The following CACNA2D1 variants were observed in gnomAD, a reference collection of about 807,000 sequenced individuals.
The protein encoded by CACNA2D1 is calcium voltage-gated channel auxiliary subunit alpha2delta 1.
In CACNA2D1, 53 loss-of-function variants were observed where a neutral mutation model predicts 171.5. The ratio of observed to expected loss-of-function variants is 0.31; its 90% CI spans 0.25 to 0.39. The LOEUF (loss-of-function observed/expected upper bound fraction) is 0.39. Among genes scored for constraint, CACNA2D1 ranks in the 10% least tolerant of loss-of-function variants. The pLI is 1.00. For missense variants in CACNA2D1, 903 were observed against 1,299.8 expected (o/e 0.69, Z 4.69); for synonymous variants, 442 against 443.1 (o/e 1.00, Z 0.03).
intron 38 of CACNA2D1, among the ~76,000 whole-genome samples, chr7:81,958,825 A>C (rs1793745187): frequency 6.6e-6 from 1 of 152,040 alleles, no homozygotes; most frequent in East Asian, 1.9e-4. Context: ...TGTAATAATA[A>C]GACAATGGCT....
intron 3 of CACNA2D1, among the ~76,000 whole-genome samples, chr7:82,224,923 T>C (rs1036922817): frequency 1.3e-4 from 19 of 151,382 alleles, no homozygotes; most frequent in African/African-American, 4.9e-5. Flanking sequence ...GTTTATCCAA[T>C]TGACCAAAAA....
intron 12 of CACNA2D1, among the ~76,000 whole-genome samples, chr7:82,022,926 A>T (rs1801415828): frequency 1.3e-5 from 2 of 151,822 alleles, no homozygotes; most frequent in African/African-American, 4.8e-5. Context: ...TTATTTTGAA[A>T]TTTTTATTAA....
chr7:82,410,441 C>G, intron 1 of CACNA2D1: 1 of 838,896 alleles, frequency 1.2e-6, no homozygotes, highest in Non-Finnish European at 1.4e-6. Context: ...ATCTTTCATT[C>G]TGATTGGCTT....
intron 1 of CACNA2D1, 57 bp from the exon 2 acceptor site, chr7:82,349,706 T>C (rs1242020347): frequency 4.6e-6 from 6 of 1,306,178 alleles, no homozygotes; most frequent in East Asian, 4.6e-5. Flanking sequence ...AAAAGTCACA[T>C]GCTGATATTT....
intron 1 of CACNA2D1, among the ~76,000 whole-genome samples, chr7:82,394,674 C>T (rs1825587847): frequency 6.6e-6 from 1 of 152,006 alleles, no homozygotes; most frequent in Admixed American, 6.6e-5. Flanking sequence ...GTGTGTTTTC[C>T]CAGAATCTTG....
At chr7:82,149,332 G>A (rs1330686058) in intron 4 of CACNA2D1, among the ~76,000 whole-genome samples, 1 of 152,098 alleles carries the variant, frequency 6.6e-6, no homozygotes, top group African/African-American at 2.4e-5. Flanking sequence ...TAGACACTGA[G>A]ACTAGGATTT....
chr7:82,004,468 A>G (rs1798923625), intron 18 of CACNA2D1, among the ~76,000 whole-genome samples: 1 of 151,428 alleles, frequency 6.6e-6, no homozygotes, highest in Non-Finnish European at 1.5e-5. Context: ...ATATATAATT[A>G]ATATATTACA....
At chr7:82,026,610 C>T (rs571850407) in intron 12 of CACNA2D1, among the ~76,000 whole-genome samples, 2 of 151,694 alleles carry the variant, frequency 1.3e-5, no homozygotes, top group African/African-American at 4.8e-5. Flanking sequence ...GTACTGCATG[C>T]ACAACTTTAG....
chr7:82,348,411 G>A (rs927446763), intron 2 of CACNA2D1, among the ~76,000 whole-genome samples: 3 of 152,066 alleles, frequency 2.0e-5, no homozygotes, highest in Non-Finnish European at 4.4e-5. Context: ...TCTCTGAGGA[G>A]AGGAATACTG....
intron 4 of CACNA2D1, among the ~76,000 whole-genome samples, chr7:82,168,349 G>T (rs1192952516): frequency 6.6e-6 from 1 of 152,060 alleles, no homozygotes; most frequent in Non-Finnish European, 1.5e-5. Context: ...TCTCCATGTT[G>T]ACAAGGCTGG....
At chr7:82,406,561 G>C (rs1004812528) in intron 1 of CACNA2D1, among the ~76,000 whole-genome samples, 2 of 152,206 alleles carry the variant, frequency 1.3e-5, no homozygotes, top group Non-Finnish European at 1.5e-5. Context: ...CCTGTTGTTT[G>C]CTGACTTTTT....
intron 25 of CACNA2D1, among the ~76,000 whole-genome samples, chr7:81,972,126 G>A (rs1000244599): frequency 6.6e-6 from 1 of 151,500 alleles, no homozygotes; most frequent in Non-Finnish European, 1.5e-5. Context: ...TAAGAAATAA[G>A]CTATGTTAAG....
At chr7:82,294,621 C>G (rs1191422005) in intron 3 of CACNA2D1, among the ~76,000 whole-genome samples, 1 of 151,978 alleles carries the variant, frequency 6.6e-6, no homozygotes, top group Non-Finnish European at 1.5e-5. Context: ...TGTCATGAGT[C>G]ATGAAATCTA....
chr7:82,034,200 C>T (rs1401635231), intron 11 of CACNA2D1, among the ~76,000 whole-genome samples: 4 of 152,136 alleles, frequency 2.6e-5, no homozygotes, highest in Non-Finnish European at 5.9e-5. Flanking sequence ...GCTCACTAGC[C>T]ACCTGTGATT....
intron 5 of CACNA2D1, among the ~76,000 whole-genome samples, chr7:82,128,838 CCTGA>C (rs1306267800): frequency 4.6e-5 from 7 of 151,982 alleles, no homozygotes; most frequent in Non-Finnish European, 1.0e-4. Flanking sequence ...CCCACGTTCC[CCTGA>C]ATGCTGGTGT....
At chr7:82,066,898 T>G (rs1279487830) in intron 7 of CACNA2D1, among the ~76,000 whole-genome samples, 1 of 152,114 alleles carries the variant, frequency 6.6e-6, no homozygotes, top group Non-Finnish European at 1.5e-5. Context: ...CTCCTTATAT[T>G]TTCGTTCAAT....
At chr7:82,287,414 C>G (rs1425551931) in intron 3 of CACNA2D1, among the ~76,000 whole-genome samples, 1 of 152,074 alleles carries the variant, frequency 6.6e-6, no homozygotes, top group Non-Finnish European at 1.5e-5. Flanking sequence ...GGAGAAATAA[C>G]CACATTGAAT....
At chr7:82,274,771 C>A (rs928041314) in intron 3 of CACNA2D1, among the ~76,000 whole-genome samples, 2 of 152,066 alleles carry the variant, frequency 1.3e-5, no homozygotes, top group African/African-American at 4.8e-5. Flanking sequence ...GGAGGCAATT[C>A]TTTTTTGTTG....
At chr7:81,994,769 TAAGTA>T (rs948934755) in intron 20 of CACNA2D1, 94 bp downstream of exon 20, 14 of 678,354 alleles carry the variant, frequency 2.1e-5, no homozygotes, top group Admixed American at 9.3e-5. Flanking sequence ...CCCTGTTTTA[TAAGTA>T]AATAGTGGAT....
Sources: gnomAD v4.1 joint callset for allele counts (sites outside exome capture counted in the v4.1 genomes callset) on GRCh38, gnomAD v4.1.1 for gene constraint, MANE v1.5 for transcripts, NCBI Gene and HGNC (gene_info 2026-07-23, HGNC 2026-07-21) for gene names.